The following FAM107B variants were observed in gnomAD, a reference collection of about 807,000 sequenced individuals.
The protein encoded by FAM107B is protein FAM107B.
In FAM107B, 21 loss-of-function variants were observed where a neutral mutation model predicts 31.5. The observed-to-expected ratio is 0.67, with a 90% CI of 0.47 to 0.96. The LOEUF is 0.96. Among genes scored for constraint, FAM107B ranks in the 40% least tolerant of loss-of-function variants. The pLI is 0.00. For missense variants in FAM107B, 452 were observed against 377.1 expected (o/e 1.20, Z -1.64); for synonymous variants, 157 against 141.5 (o/e 1.11, Z -0.78).
At chr10:14,667,934 G>A (rs1487727082) in intron 1 of FAM107B, among the ~76,000 whole-genome samples, 1 of 152,198 alleles carries the variant, frequency 6.6e-6, no homozygotes, top group Non-Finnish European at 1.5e-5. Flanking sequence ...ACATGGTAGT[G>A]TCTATGCATG....
intron 2 of FAM107B, among the ~76,000 whole-genome samples, chr10:14,561,096 G>A (rs1850203180): frequency 2.0e-5 from 3 of 152,204 alleles, no homozygotes; most frequent in Admixed American, 2.0e-4. Context: ...GCGAGTAAAT[G>A]CCATCTTGTG....
intron 2 of FAM107B, among the ~76,000 whole-genome samples, chr10:14,559,414 C>G (rs1014849024): frequency 6.6e-6 from 1 of 151,762 alleles, no homozygotes; most frequent in Non-Finnish European, 1.5e-5. Context: ...TGCCAAAGAG[C>G]TTCCATTCTA....
At chr10:14,522,187 CGAAAGA>C in intron 3 of FAM107B, 168 bp from the exon 4 acceptor site, 1 of 833,530 alleles carries the variant, frequency 1.2e-6, no homozygotes, top group Non-Finnish European at 1.8e-6. Flanking sequence ...TTCACCAGCA[CGAAAGA>C]AAGGCAAGAG....
chr10:14,527,851 T>C (rs1054103957), intron 3 of FAM107B: 2 of 236,666 alleles, frequency 8.5e-6, no homozygotes, highest in African/African-American at 2.3e-5. Flanking sequence ...CTCTAAAAAG[T>C]ATACAAAATA....
chr10:14,530,826 A>G (rs1041633490), intron 2 of FAM107B, among the ~76,000 whole-genome samples: 6 of 152,172 alleles, frequency 3.9e-5, no homozygotes, highest in Non-Finnish European at 8.8e-5. Flanking sequence ...CTGTCTCCAT[A>G]TCGACCTCAG....
intron 1 of FAM107B, among the ~76,000 whole-genome samples, chr10:14,682,582 T>G (rs982057361): frequency 1.3e-5 from 2 of 152,170 alleles, no homozygotes; most frequent in Non-Finnish European, 2.9e-5. Flanking sequence ...TGAGCTCATG[T>G]CCTTTGCAGG....
At chr10:14,535,012 A>G (rs1403201061) in intron 2 of FAM107B, 1 of 152,230 alleles carries the variant, frequency 6.6e-6, no homozygotes, top group Non-Finnish European at 1.5e-5. Flanking sequence ...TCTCTGAGCA[A>G]CAAGGAATCC....
intron 1 of FAM107B, among the ~76,000 whole-genome samples, chr10:14,722,214 C>A (rs1387517742): frequency 1.3e-5 from 2 of 152,222 alleles, no homozygotes; most frequent in Non-Finnish European, 2.9e-5. Flanking sequence ...CCCACACAAT[C>A]CCTAATAAAT....
chr10:14,684,154 T>C (rs1372418096), intron 1 of FAM107B, among the ~76,000 whole-genome samples: 2 of 152,140 alleles, frequency 1.3e-5, no homozygotes, highest in African/African-American at 4.8e-5. Flanking sequence ...GGGGTCTCTT[T>C]TAAACTGGCA....
chr10:14,685,169 G>C (rs139811295), intron 1 of FAM107B, among the ~76,000 whole-genome samples: 4 of 140,152 alleles, frequency 2.9e-5, no homozygotes, highest in Non-Finnish European at 1.5e-5. Flanking sequence ...TTTTTTTTGA[G>C]ACAGGTTCTT....
chr10:14,522,236 T>C (rs1311520509), intron 3 of FAM107B: 1 of 609,018 alleles, frequency 1.6e-6, no homozygotes. Context: ...AATCCATTCA[T>C]TCAATGACAA....
intron 2 of FAM107B, among the ~76,000 whole-genome samples, chr10:14,646,349 C>T (rs1393027927): frequency 6.6e-6 from 1 of 152,168 alleles, no homozygotes; most frequent in East Asian, 1.9e-4. Flanking sequence ...CACCCTCCCT[C>T]CTCCTGAGTC....
At chr10:14,531,080 C>T (rs1275636736) in intron 2 of FAM107B, among the ~76,000 whole-genome samples, 1 of 152,152 alleles carries the variant, frequency 6.6e-6, no homozygotes, top group Non-Finnish European at 1.5e-5. Context: ...CTCTAAGATG[C>T]CTAACCTTTC....
chr10:14,626,204 AT>A (rs1853157226), intron 2 of FAM107B, among the ~76,000 whole-genome samples: 1 of 152,124 alleles, frequency 6.6e-6, no homozygotes, highest in African/African-American at 2.4e-5. Flanking sequence ...GTCGCCTGGG[AT>A]TTACAGAGGA....
intron 2 of FAM107B, chr10:14,554,130 G>A (rs561765652): frequency 3.0e-6 from 3 of 985,352 alleles, no homozygotes; most frequent in Admixed American, 6.1e-5. Flanking sequence ...CAGATAAGCT[G>A]GCCTCGCCTG....
intron 2 of FAM107B, among the ~76,000 whole-genome samples, chr10:14,543,767 T>C (rs1186742588): frequency 6.6e-6 from 1 of 151,710 alleles, no homozygotes; most frequent in East Asian, 1.9e-4. Flanking sequence ...AGCTTCCTTA[T>C]CTGCAAAAAG....
At chr10:14,756,430 TG>T (rs1275144658) in intron 1 of FAM107B, among the ~76,000 whole-genome samples, 1 of 152,158 alleles carries the variant, frequency 6.6e-6, no homozygotes, top group Admixed American at 6.5e-5. Context: ...CTTGATCGTG[TG>T]GGTGGGCCTC....
intron 1 of FAM107B, among the ~76,000 whole-genome samples, chr10:14,727,621 A>C (rs1383300024): frequency 6.6e-6 from 1 of 152,214 alleles, no homozygotes; most frequent in Non-Finnish European, 1.5e-5. Flanking sequence ...ATTCTGAGAC[A>C]TGTGTTTTAC....
intron 1 of FAM107B, among the ~76,000 whole-genome samples, chr10:14,674,946 G>A (rs1854645785): frequency 6.6e-6 from 1 of 151,962 alleles, no homozygotes; most frequent in South Asian, 2.1e-4. Context: ...GCCACGTTGT[G>A]CTCCGAAAGT....
Sources: gnomAD v4.1 joint callset for allele counts (sites outside exome capture counted in the v4.1 genomes callset) on GRCh38, gnomAD v4.1.1 for gene constraint, MANE v1.5 for transcripts, NCBI Gene and HGNC (gene_info 2026-07-23, HGNC 2026-07-21) for gene names.